The following PAN3 variants were observed in gnomAD, a reference collection of about 807,000 sequenced individuals.
PAN3 encodes the protein poly(A) specific ribonuclease subunit PAN3.
A neutral mutation model predicts 96.2 loss-of-function variants in PAN3; 19 were observed. The observed-to-expected ratio is 0.20, with a 90% CI of 0.14 to 0.29. PAN3 has a LOEUF of 0.29. Among genes scored for constraint, PAN3 ranks in the 10% least tolerant of loss-of-function variants. PAN3 has a pLI of 1.00. For missense variants in PAN3, 882 were observed against 1,108.1 expected (o/e 0.80, Z 2.90); for synonymous variants, 433 against 406.6 (o/e 1.06, Z -0.78).
intron 6 of PAN3, among the ~76,000 whole-genome samples, chr13:28,222,905 A>C (rs547807074): frequency 6.6e-6 from 1 of 152,330 alleles, no homozygotes; most frequent in African/African-American, 2.4e-5. Context: ...TTTGACACTT[A>C]TGTAAACTAG....
chr13:28,151,477 T>C (rs1005305049), intron 1 of PAN3, among the ~76,000 whole-genome samples: 1 of 151,776 alleles, frequency 6.6e-6, no homozygotes, highest in Non-Finnish European at 1.5e-5. Context: ...ATTGTGCCAC[T>C]GCACTCCAGC....
chr13:28,249,389 T>C (rs1884503103), intron 6 of PAN3, among the ~76,000 whole-genome samples: 1 of 152,232 alleles, frequency 6.6e-6, no homozygotes, highest in South Asian at 2.1e-4. Flanking sequence ...TTACCATTCA[T>C]GCTTTAACTA....
intron 6 of PAN3, among the ~76,000 whole-genome samples, chr13:28,234,928 C>T (rs542061726): frequency 2.8e-4 from 42 of 152,172 alleles, no homozygotes; most frequent in Non-Finnish European, 5.1e-4. Flanking sequence ...ACTATTTAGG[C>T]TAATTGGTCT....
intron 6 of PAN3, among the ~76,000 whole-genome samples, chr13:28,254,972 C>G (rs1164135474): frequency 6.6e-6 from 1 of 152,066 alleles, no homozygotes; most frequent in Non-Finnish European, 1.5e-5. Context: ...TGTTGAGGCT[C>G]TTCAGAAAGT....
intron 18 of PAN3, among the ~76,000 whole-genome samples, chr13:28,289,861 G>A (rs973238719): frequency 5.3e-5 from 8 of 152,134 alleles, no homozygotes; most frequent in South Asian, 4.1e-4. Flanking sequence ...CAGTCTGGCC[G>A]ATAGAGCGAG....
chr13:28,145,866 T>G (rs1269563923), intron 1 of PAN3, among the ~76,000 whole-genome samples: 2 of 151,576 alleles, frequency 1.3e-5, no homozygotes, highest in African/African-American at 4.8e-5. Context: ...TTCAAGTGAT[T>G]CTCAATTCTC....
At chr13:28,233,408 A>G (rs1882785308) in intron 6 of PAN3, among the ~76,000 whole-genome samples, 1 of 151,808 alleles carries the variant, frequency 6.6e-6, no homozygotes, top group Non-Finnish European at 1.5e-5. Flanking sequence ...CCGGGATTAC[A>G]GGCGTGTACC....
intron 5 of PAN3, 145 bp downstream of exon 5, chr13:28,197,491 T>C: frequency 1.5e-6 from 1 of 663,672 alleles, no homozygotes; most frequent in East Asian, 3.0e-5. Flanking sequence ...AGAATAAAGT[T>C]AGTGACCCTT....
intron 1 of PAN3, among the ~76,000 whole-genome samples, chr13:28,161,075 T>C (rs1252591504): frequency 6.6e-6 from 1 of 152,258 alleles, no homozygotes; most frequent in East Asian, 1.9e-4. Context: ...ATTTTCCCTT[T>C]TTTTATCTTG....
intron 4 of PAN3, among the ~76,000 whole-genome samples, chr13:28,193,483 T>G (rs998414938): frequency 2.0e-5 from 3 of 152,112 alleles, no homozygotes; most frequent in African/African-American, 7.2e-5. Context: ...GGTTCACGCC[T>G]GTAATCCCAG....
chr13:28,292,436 G>A lies in PAN3; in HGVS notation c.2578G>A (p.Val860Ile), dbSNP rs759210994. ...CCTGATTTCCAGAGATGAGAAGAGT[G>A]TACTTGTGGTGACCTACAGTGACTT... The part of the protein sequence containing the change: ...ISLISRDEKS[V>I]LVVTYSDLKR... The change falls in exon 19 of 19, where the codon GTA (valine) becomes ATA (isoleucine). Residue 860 changes from valine to isoleucine, a missense_variant. This residue lies in a region of PAN3 where 76 missense variants were observed against 171.7 expected (regional missense o/e 0.44). Coordinates refer to ENST00000380958, the MANE Select transcript of PAN3 (RefSeq NM_175854.8). 1.9e-6 allele frequency: 3 copies of A among 1,612,048 alleles called. No individual in the cohort carries two copies. The highest frequency in any genetic ancestry group is 2.2e-5 in the East Asian group (1 of 44,848).
intron 6 of PAN3, among the ~76,000 whole-genome samples, chr13:28,237,131 G>A (rs369928454): frequency 1.3e-5 from 2 of 152,054 alleles, no homozygotes; most frequent in African/African-American, 4.8e-5. Context: ...TGTTAGGCCA[G>A]TGAAAACATT....
intron 6 of PAN3, among the ~76,000 whole-genome samples, chr13:28,221,965 C>T (rs1052993393): frequency 1.3e-5 from 2 of 152,168 alleles, no homozygotes; most frequent in Non-Finnish European, 2.9e-5. Flanking sequence ...TTATATGTCT[C>T]TTTCCAAAGC....
rs71086844 is a variant in PAN3, at chr13:28,293,387, G to GTTTTTTTTTTT, written c.*884_*894dup. On this transcript the variant is annotated 3_prime_UTR_variant, in exon 19 of 19. Transcript: ENST00000380958. ...ACTTTAGGTTCTTTCCAGTTTGCTG[G>GTTTTTTTTTTT]TTTTTTTTTTTTTTTTTTTTTTTTT... The GTTTTTTTTTTT allele has an allele frequency of 3.4e-3, 73 of 21,362 alleles. 22 individuals are homozygous for GTTTTTTTTTTT. The highest frequency in any genetic ancestry group is 0.014 in the African/African-American group (71 of 4,974). 1.3% of individuals were successfully genotyped at this position (21,362 alleles called of 1,614,324 possible). A position where few individuals can be genotyped will look rare whatever the true frequency, so the allele number is the denominator to read the frequency against.
chr13:28,265,184 A>C (rs1886057567), intron 9 of PAN3, among the ~76,000 whole-genome samples: 1 of 152,210 alleles, frequency 6.6e-6, no homozygotes, highest in South Asian at 2.1e-4. Context: ...GCAAAAGTAA[A>C]AGTTACAGCT....
Position 28,270,777 on chromosome 13 carries a change from A to C in PAN3, c.1869A>C (p.Gln623His). Residue 623 changes from glutamine to histidine, a missense_variant, in exon 13 of 19, where the codon CAA (glutamine) becomes CAC (histidine). This residue lies in a region of PAN3 where 364 missense variants were observed against 513.6 expected (regional missense o/e 0.71). Coordinates refer to ENST00000380958, the MANE Select transcript of PAN3 (RefSeq NM_175854.8). ...CTCTTATTTGGGCATATATTGTCCA[A>C]CTAAGTTCTGCATTGCGTACCATTC... ...PESLIWAYIV[Q>H]LSSALRTIHT... is the part of the protein sequence containing the mutation. 1 of 1,614,022 alleles carries C rather than the reference A, an allele frequency of 6.2e-7. No individual in the cohort carries two copies. The highest frequency in any genetic ancestry group is 8.5e-7 in the Non-Finnish European group (1 of 1,179,896).
intron 7 of PAN3, 152 bp from the exon 8 acceptor site, chr13:28,260,295 G>A (rs895739766): frequency 2.0e-6 from 1 of 511,072 alleles, no homozygotes; most frequent in Non-Finnish European, 3.6e-6. Flanking sequence ...ACGTGAGGCT[G>A]AGGCAGGAGA....
chr13:28,176,123 G>T (rs1032020697), intron 2 of PAN3, among the ~76,000 whole-genome samples: 1 of 152,092 alleles, frequency 6.6e-6, no homozygotes, highest in Non-Finnish European at 1.5e-5. Context: ...TGGAGAAAGG[G>T]TATTAGAGCA....
chr13:28,237,593 G>A (rs1883230201), intron 6 of PAN3, among the ~76,000 whole-genome samples: 2 of 152,110 alleles, frequency 1.3e-5, no homozygotes, highest in Admixed American at 6.5e-5. Context: ...TTACCGGTTC[G>A]GGTTTATTAC....
Sources: allele counts gnomAD v4.1 joint callset (sites outside exome capture counted in the v4.1 genomes callset), GRCh38; gene constraint gnomAD v4.1.1; regional missense constraint gnomAD v4.1.1; transcripts MANE v1.5; gene names NCBI Gene and HGNC (gene_info 2026-07-23, HGNC 2026-07-21).